The following GALNT13 variants were observed in gnomAD, a reference collection of about 807,000 sequenced individuals.
GALNT13 encodes the protein polypeptide N-acetylgalactosaminyltransferase 13, also known as UDP-GalNAc:polypeptide N-acetylgalactosaminyltransferase 13.
In GALNT13, 28 loss-of-function variants were observed where a neutral mutation model predicts 64.2. That is an observed-to-expected ratio of 0.44 (90% confidence interval 0.32 to 0.60). The LOEUF (loss-of-function observed/expected upper bound fraction) is 0.60. GALNT13 is among the 20% of genes least tolerant of loss of function. The pLI is 0.05. For missense variants in GALNT13, 577 were observed against 669.8 expected (o/e 0.86, Z 1.53); for synonymous variants, 214 against 224.6 (o/e 0.95, Z 0.42).
chr2:154,370,489 CAT>C (rs1263213319), intron 9 of GALNT13, among the ~76,000 whole-genome samples: 13 of 152,020 alleles, frequency 8.6e-5, no homozygotes, highest in Admixed American at 5.9e-4. Flanking sequence ...TAAGATATGA[CAT>C]AGAGTTAGTC....
chr2:153,485,757 G>A, the GALNT13 span, among the ~76,000 whole-genome samples: 3 of 152,012 alleles, frequency 2.0e-5, no homozygotes, highest in African/African-American at 4.8e-5. Context: ...GGCTTTAGCC[G>A]GGCATGGTGG....
At chr2:153,087,310 CTGCATCCCTCGTATGAAACCCACT>C in the GALNT13 span, among the ~76,000 whole-genome samples, 1 of 152,128 alleles carries the variant, frequency 6.6e-6, no homozygotes, top group South Asian at 2.1e-4. Context: ...TAAACCACCC[CTGCATCCCTCGTATGAAACCCACT>C]TGATCATGGT....
intron 11 of GALNT13, among the ~76,000 whole-genome samples, chr2:154,428,235 C>T (rs1450542005): frequency 6.6e-6 from 1 of 152,162 alleles, no homozygotes; most frequent in Admixed American, 6.6e-5. Flanking sequence ...AATAGCAGAG[C>T]TTCAGGTTCA....
the GALNT13 span, among the ~76,000 whole-genome samples, chr2:153,768,910 A>G: frequency 6.6e-6 from 1 of 152,154 alleles, no homozygotes; most frequent in Admixed American, 6.5e-5. Context: ...TAATGTAAGG[A>G]TGGCTACTCT....
the GALNT13 span, among the ~76,000 whole-genome samples, chr2:153,251,540 T>C: frequency 1.3e-5 from 2 of 152,272 alleles, no homozygotes; most frequent in Admixed American, 1.3e-4. Flanking sequence ...TACGTATGTA[T>C]ACATGTGCCA....
At chr2:153,252,929 C>T in the GALNT13 span, among the ~76,000 whole-genome samples, 1 of 151,988 alleles carries the variant, frequency 6.6e-6, no homozygotes, top group Admixed American at 6.5e-5. Context: ...GTTCTTTTGG[C>T]TTAGGATTGA....
At chr2:154,404,580 A>G (rs1699442187) in intron 10 of GALNT13, among the ~76,000 whole-genome samples, 1 of 152,172 alleles carries the variant, frequency 6.6e-6, no homozygotes, top group Non-Finnish European at 1.5e-5. Context: ...AAATTGTTTC[A>G]GGCCAATTGG....
At chr2:154,335,232 A>G (rs1347248921) in intron 9 of GALNT13, among the ~76,000 whole-genome samples, 1 of 131,080 alleles carries the variant, frequency 7.6e-6, no homozygotes, top group Non-Finnish European at 1.7e-5. Flanking sequence ...ACTGTTGAAG[A>G]AAAAAAAGAC....
At chr2:154,447,704 C>T (rs1002753803) in intron 12 of GALNT13, among the ~76,000 whole-genome samples, 1 of 151,776 alleles carries the variant, frequency 6.6e-6, no homozygotes, top group Non-Finnish European at 1.5e-5. Flanking sequence ...GATGAGGGGA[C>T]AACATATGGG....
the GALNT13 span, among the ~76,000 whole-genome samples, chr2:153,834,038 A>G: frequency 6.6e-5 from 10 of 152,192 alleles, no homozygotes; most frequent in African/African-American, 2.4e-4. Flanking sequence ...ATTTAGGCAT[A>G]CTCAATTTTG....
the GALNT13 span, among the ~76,000 whole-genome samples, chr2:153,202,177 G>A: frequency 1.3e-5 from 2 of 151,606 alleles, no homozygotes; most frequent in Non-Finnish European, 2.9e-5. Flanking sequence ...GTAGAGACGG[G>A]GTTTCACCTT....
At chr2:153,535,076 C>T in the GALNT13 span, among the ~76,000 whole-genome samples, 7 of 151,752 alleles carry the variant, frequency 4.6e-5, no homozygotes, top group Admixed American at 1.3e-4. Flanking sequence ...CTGCTTCAGG[C>T]GGGATTAGGG....
chr2:153,808,442 A>C, the GALNT13 span, among the ~76,000 whole-genome samples: 1 of 152,038 alleles, frequency 6.6e-6, no homozygotes, highest in Non-Finnish European at 1.5e-5. Context: ...ACCTGCTTGC[A>C]GACTAGATTT....
chr2:154,152,577 G>A (rs201723550), intron 4 of GALNT13, among the ~76,000 whole-genome samples: 19,399 of 151,468 alleles, frequency 0.13, 1,378 homozygotes, highest in South Asian at 0.21. Flanking sequence ...CCAATCAAAC[G>A]TAGGTTTGGT....
At chr2:154,073,537 A>G (rs942974155) in intron 3 of GALNT13, among the ~76,000 whole-genome samples, 1 of 151,952 alleles carries the variant, frequency 6.6e-6, no homozygotes, top group Non-Finnish European at 1.5e-5. Flanking sequence ...ACGTATTTTC[A>G]TATTGCATTT....
At chr2:154,437,274 C>T in intron 11 of GALNT13, 1 of 175,598 alleles carries the variant, frequency 5.7e-6, no homozygotes, top group South Asian at 1.0e-4. Context: ...TTTGCCGCTT[C>T]CTCTCACCAC....
At chr2:153,323,852 C>T in the GALNT13 span, among the ~76,000 whole-genome samples, 2 of 152,116 alleles carry the variant, frequency 1.3e-5, no homozygotes, top group African/African-American at 4.8e-5. Context: ...GTCTATATAT[C>T]TATTTTGGTA....
At chr2:154,066,481 G>A (rs1033259975) in intron 3 of GALNT13, among the ~76,000 whole-genome samples, 1 of 145,062 alleles carries the variant, frequency 6.9e-6, no homozygotes, top group African/African-American at 2.4e-5. Context: ...CCTAAATGCA[G>A]CAAGAGAAAA....
chr2:153,908,684 G>C (rs918252607), intron 2 of GALNT13, among the ~76,000 whole-genome samples: 1 of 151,848 alleles, frequency 6.6e-6, no homozygotes, highest in African/African-American at 2.4e-5. Context: ...TTGACTTTGT[G>C]GAAGACCAGA....
Sources: allele counts gnomAD v4.1 joint callset (sites outside exome capture counted in the v4.1 genomes callset), GRCh38; gene constraint gnomAD v4.1.1; transcripts MANE v1.5; gene names NCBI Gene and HGNC (gene_info 2026-07-23, HGNC 2026-07-21).